The following CLDN10 variants were observed in gnomAD, a reference collection of about 807,000 sequenced individuals.
CLDN10 encodes the protein claudin-10.
In CLDN10, 15 loss-of-function variants were observed where a neutral mutation model predicts 22.9. The ratio of observed to expected loss-of-function variants is 0.65; its 90% CI spans 0.44 to 1.01. The LOEUF is 1.01. Ranked by LOEUF, CLDN10 falls within the 50% of genes least tolerant of loss-of-function variation. The pLI is 0.00. For synonymous variants in CLDN10, 114 were observed against 111.4 expected (o/e 1.02, Z -0.15); for missense variants, 247 against 287.8 (o/e 0.86, Z 1.03).
At chr13:95,486,544 G>T (rs2042806717) in intron 1 of CLDN10, among the ~76,000 whole-genome samples, 1 of 141,534 alleles carries the variant, frequency 7.1e-6, no homozygotes. Flanking sequence ...AAAAAAAAAA[G>T]ATGCAATTGG....
chr13:95,519,449 G>C (rs539683073), intron 1 of CLDN10, among the ~76,000 whole-genome samples: 1 of 152,270 alleles, frequency 6.6e-6, no homozygotes, highest in Non-Finnish European at 1.5e-5. Context: ...GGAAAGAATT[G>C]GTATGGAAGT....
intron 1 of CLDN10, among the ~76,000 whole-genome samples, chr13:95,455,762 C>G (rs74980012): frequency 6.6e-6 from 1 of 152,026 alleles, no homozygotes; most frequent in Non-Finnish European, 1.5e-5. Context: ...TGTATATTGA[C>G]CTGAATTGAA....
At chr13:95,525,059 A>C (rs1279860506) in intron 1 of CLDN10, among the ~76,000 whole-genome samples, 1 of 151,832 alleles carries the variant, frequency 6.6e-6, no homozygotes, top group Non-Finnish European at 1.5e-5. Flanking sequence ...GGGTTTCTCC[A>C]TGTTGGTCAG....
intron 1 of CLDN10, among the ~76,000 whole-genome samples, chr13:95,443,608 G>A (rs1252214126): frequency 6.6e-6 from 1 of 152,218 alleles, no homozygotes. Flanking sequence ...GCCAGGCTGG[G>A]AAAACTAAGC....
chr13:95,478,964 T>G (rs1005080411), intron 1 of CLDN10, among the ~76,000 whole-genome samples: 1 of 152,236 alleles, frequency 6.6e-6, no homozygotes, highest in Admixed American at 6.5e-5. Context: ...GCGTAAGGTT[T>G]AAGGAACTTT....
chr13:95,487,858 TG>T (rs1269235031), intron 1 of CLDN10, among the ~76,000 whole-genome samples: 1 of 151,636 alleles, frequency 6.6e-6, no homozygotes, highest in African/African-American at 2.4e-5. Context: ...AAAATTTTTT[TG>T]TAGAGACAGG....
At chr13:95,488,347 T>A (rs1566297088) in intron 1 of CLDN10, among the ~76,000 whole-genome samples, 1 of 148,826 alleles carries the variant, frequency 6.7e-6, no homozygotes, top group Non-Finnish European at 1.5e-5. Flanking sequence ...TGGCCTCAAA[T>A]TTTTTTTTTA....
intron 1 of CLDN10, among the ~76,000 whole-genome samples, chr13:95,438,080 G>T (rs1039590825): frequency 6.6e-6 from 1 of 152,086 alleles, no homozygotes; most frequent in Admixed American, 6.5e-5. Flanking sequence ...TTAAGACAGG[G>T]TCTCACTCTG....
intron 1 of CLDN10, among the ~76,000 whole-genome samples, chr13:95,475,054 C>T (rs2042672617): frequency 6.6e-6 from 1 of 152,152 alleles, no homozygotes; most frequent in South Asian, 2.1e-4. Flanking sequence ...ATTGGCTCCT[C>T]TCTGCTAAGG....
At chr13:95,462,497 G>A (rs2042544387) in intron 1 of CLDN10, among the ~76,000 whole-genome samples, 1 of 152,160 alleles carries the variant, frequency 6.6e-6, no homozygotes, top group Admixed American at 6.5e-5. Context: ...AAGCCAAGAG[G>A]CCCAGAATAA....
intron 1 of CLDN10, among the ~76,000 whole-genome samples, chr13:95,525,891 G>A (rs7993626): frequency 0.11 from 16,938 of 152,000 alleles, 1,067 homozygotes; most frequent in Middle Eastern, 0.13. Context: ...AGCTTTGTGC[G>A]CCTGTACTTT....
chr13:95,537,352 G>A lies in CLDN10; in HGVS notation c.215-22780G>A, dbSNP rs543720371. Among the ~76,000 whole-genome samples, 11 of 152,266 alleles carry A rather than the reference G, an allele frequency of 7.2e-5. No homozygotes were observed. The South Asian group carries it at 2.3e-3, about 32-fold the overall frequency. On this transcript the variant is annotated intron_variant, in intron 1 of 4. Coordinates refer to the CLDN10 transcript ENST00000376873. ...TCATAATTCAATGAATACCCAGTATGCACGGCTCTTCTTGCGTACAGGAGG... is the reference window on the plus strand; with the variant it reads ...TCATAATTCAATGAATACCCAGTATACACGGCTCTTCTTGCGTACAGGAGG...
At chr13:95,471,453 A>ATATATATATTT (rs776857009) in intron 1 of CLDN10, among the ~76,000 whole-genome samples, 13 of 106,410 alleles carry the variant, frequency 1.2e-4, no homozygotes, top group African/African-American at 4.8e-4. Context: ...ATATATATAT[A>ATATATATATTT]TTTTTTTTTT....
intron 3 of CLDN10, among the ~76,000 whole-genome samples, chr13:95,568,530 T>C (rs1184866149): frequency 6.6e-6 from 1 of 152,144 alleles, no homozygotes; most frequent in East Asian, 1.9e-4. Context: ...CTGGCTAACC[T>C]CTGATCAGCC....
In CLDN10 at chr13:95,493,303, C is replaced by T. The variant is rs945230243; in HGVS notation, c.214+59256C>T. On this transcript the variant is annotated intron_variant, in intron 1 of 4. Transcript: ENST00000376873. ...TGGCCCTAATTTTTTTTTTATTGTG[C>T]TAAAAAATACATGTTATAACTTTGC... Among the ~76,000 whole-genome samples, 3 of 151,620 alleles carry T rather than the reference C, an allele frequency of 2.0e-5. No homozygotes were observed. In the South Asian group the frequency reaches 6.3e-4, roughly 32 times the overall value.
chr13:95,522,301 C>A (rs1279819710), intron 1 of CLDN10, among the ~76,000 whole-genome samples: 2 of 152,114 alleles, frequency 1.3e-5, no homozygotes, highest in East Asian at 3.9e-4. Context: ...TTGCATTCCA[C>A]AAGTTTTAAT....
chr13:95,440,301 G>C (rs920881506), intron 1 of CLDN10, among the ~76,000 whole-genome samples: 1 of 152,168 alleles, frequency 6.6e-6, no homozygotes, highest in African/African-American at 2.4e-5. Flanking sequence ...CTGAAACTAA[G>C]TTTCATTAAA....
chr13:95,499,240 C>T (rs1429714841), intron 1 of CLDN10, among the ~76,000 whole-genome samples: 2 of 152,068 alleles, frequency 1.3e-5, no homozygotes, highest in Non-Finnish European at 2.9e-5. Flanking sequence ...GATTAGCCAG[C>T]ATTGAAAAGA....
At chr13:95,459,136 CTGTTCCTGTGGCAT>C (rs2042510733) in intron 1 of CLDN10, among the ~76,000 whole-genome samples, 1 of 152,214 alleles carries the variant, frequency 6.6e-6, no homozygotes, top group South Asian at 2.1e-4. Context: ...TTGGACAGCT[CTGTTCCTGTGGCAT>C]TGCAGGGTAC....
Sources: gnomAD v4.1 joint callset for allele counts (sites outside exome capture counted in the v4.1 genomes callset) on GRCh38, gnomAD v4.1.1 for gene constraint, MANE v1.5 for transcripts, NCBI Gene and HGNC (gene_info 2026-07-23, HGNC 2026-07-21) for gene names.